The following ZNF169 variants were observed in gnomAD, a reference collection of about 807,000 sequenced individuals.
The protein encoded by ZNF169 is zinc finger protein 169.
In ZNF169, 11 loss-of-function variants were observed where a neutral mutation model predicts 12.0. The observed-to-expected ratio is 0.92, with a 90% CI of 0.58 to 1.52. The LOEUF (loss-of-function observed/expected upper bound fraction) is 1.52, where lower values mean the gene tolerates loss of function less well. Ranked by LOEUF, ZNF169 falls within the 40% of genes most tolerant of loss-of-function variation. The probability of loss-of-function intolerance (pLI) is 0.00; values close to 1 mark genes in which losing one functional copy is unlikely to be tolerated. For synonymous variants in ZNF169, 302 were observed against 286.5 expected, an observed-to-expected ratio of 1.05 and a Z score of -0.55; for missense variants, 722 against 744.0, an observed-to-expected ratio of 0.97 and a Z score of 0.34.
intron 2 of ZNF169, among the ~76,000 whole-genome samples, chr9:94,285,764 C>T (rs1436740836): frequency 3.3e-5 from 5 of 152,132 alleles, no homozygotes; most frequent in African/African-American, 9.7e-5. Flanking sequence ...AATCCCAGCA[C>T]TTTGGGAGGC....
In ZNF169 at chr9:94,300,827, A is replaced by T; in HGVS notation, c.1269A>T (p.Thr423=). 6.2e-7 allele frequency: 1 copy of T among 1,613,740 alleles called. No homozygotes were observed. The highest frequency in any genetic ancestry group is 8.5e-7 in the Non-Finnish European group (1 of 1,179,906). ...TCACTCTCATCAGGCACCAGAGGAC[A>T]CACACAGGGGAGAAGCCTTACCTGT... ...QKVTLIRHQR[T]HTGEKPYLCP... Residue 423 remains threonine, a synonymous_variant, in exon 5 of 5, where the codon ACA becomes ACT. Transcript: ENST00000395395.
chr9:94,300,771 G>A lies in ZNF169; in HGVS notation c.1213G>A (p.Ala405Thr), dbSNP rs749956878. 2.5e-6 allele frequency: 4 copies of A among 1,612,204 alleles called. No individual in the cohort carries two copies. In the African/African-American group the frequency reaches 5.4e-5, roughly 22 times the overall value. The change falls in exon 5 of 5, where the codon GCT becomes ACT. Residue 405 changes from alanine (A) to threonine (T), a missense_variant. Transcript: ENST00000395395. ...CTCAGGAGAGAAGCCTTATGTCTGT[G>A]CTGAGTGTGGGCACAGCTTTCGCCA... is the stretch of plus-strand genomic sequence containing the variant. ...THSGEKPYVC[A>T]ECGHSFRQKV...
At chr9:94,284,071 CAA>C (rs35204508) in intron 2 of ZNF169, among the ~76,000 whole-genome samples, 6,402 of 49,784 alleles carry the variant, frequency 0.13, 101 homozygotes, top group Non-Finnish European at 0.19. Flanking sequence ...GACTCTGTCT[CAA>C]AAAAAAAAAA....
intron 1 of ZNF169, among the ~76,000 whole-genome samples, chr9:94,262,334 G>T (rs754815305): frequency 9.9e-5 from 15 of 152,104 alleles, no homozygotes; most frequent in Non-Finnish European, 1.9e-4. Flanking sequence ...GGGAAAAGGG[G>T]GTTAGGCTAT....
intron 1 of ZNF169, among the ~76,000 whole-genome samples, chr9:94,265,305 C>A (rs1366071038): frequency 6.6e-6 from 1 of 152,004 alleles, no homozygotes; most frequent in Non-Finnish European, 1.5e-5. Context: ...TTTTGCCAGG[C>A]GCAGTGGCTC....
chr9:94,280,113 CTGTA>C (rs1358637588), intron 2 of ZNF169, among the ~76,000 whole-genome samples: 1 of 152,046 alleles, frequency 6.6e-6, no homozygotes, highest in African/African-American at 2.4e-5. Context: ...AATGAGAGAT[CTGTA>C]TGTAATCATA....
rs1564095381 is a variant in ZNF169 at position 94,301,084 on chromosome 9, C to G, written c.1526C>G (p.Ser509Ter). 5 of 1,614,190 alleles carry G rather than the reference C, an allele frequency of 3.1e-6. No individual in the cohort carries two copies. In the South Asian group the frequency reaches 5.5e-5, roughly 18 times the overall value. Residue 509 changes from serine to a stop codon, truncating the protein, a stop_gained, in exon 5 of 5, where the codon TCA becomes TGA. Transcript: ENST00000395395. LOFTEE classifies it low-confidence loss of function (END_TRUNC). ...SLLTRHQRTH[S>*]EEELYVDRVC... The stretch of plus-strand genomic sequence containing the variant: ...CTCACCCGACACCAGAGGACACACT[C>G]AGAGGAGGAGCTTTACGTAGACAGG...
intron 2 of ZNF169, among the ~76,000 whole-genome samples, chr9:94,283,386 C>T (rs895746017): frequency 1.3e-5 from 2 of 152,104 alleles, no homozygotes; most frequent in East Asian, 1.9e-4. Flanking sequence ...CCAGCCTGGG[C>T]GACAAAGCAA....
intron 1 of ZNF169, among the ~76,000 whole-genome samples, chr9:94,267,625 G>GA (rs1171332820): frequency 6.6e-6 from 1 of 152,168 alleles, no homozygotes; most frequent in African/African-American, 2.4e-5. Context: ...CCTTGACACT[G>GA]AAAAGCAAAA....
chr9:94,296,741 C>T, intron 4 of ZNF169: 1 of 457,004 alleles, frequency 2.2e-6, no homozygotes, highest in Admixed American at 2.4e-5. Flanking sequence ...ATGCCAATAC[C>T]ACAGTTTTGA....
At chr9:94,278,912 T>C in intron 2 of ZNF169, 67 bp downstream of exon 2, 1 of 1,559,870 alleles carries the variant, frequency 6.4e-7, no homozygotes. Flanking sequence ...TCCTGAAGGC[T>C]GCCTTCTTGG....
chr9:94,266,207 T>G (rs1385969020), intron 1 of ZNF169, among the ~76,000 whole-genome samples: 1 of 152,206 alleles, frequency 6.6e-6, no homozygotes, highest in East Asian at 1.9e-4. Context: ...GCACTGACTT[T>G]TAATATTTAA....
intron 1 of ZNF169, among the ~76,000 whole-genome samples, chr9:94,262,036 C>G (rs1276115064): frequency 1.3e-5 from 2 of 152,196 alleles, no homozygotes; most frequent in Non-Finnish European, 2.9e-5. Context: ...TTGTCCACTA[C>G]AAAGCTTTCC....
intron 1 of ZNF169, among the ~76,000 whole-genome samples, chr9:94,267,045 A>G (rs898017232): frequency 1.3e-5 from 2 of 152,044 alleles, no homozygotes; most frequent in African/African-American, 2.4e-5. Context: ...AGTAGCTGGG[A>G]CTACAGGCGA....
rs1830876839 is a variant in ZNF169, at chr9:94,292,985, T to G, written c.172T>G (p.Ser58Ala). The G allele has an allele frequency of 1.2e-6, 2 of 1,611,868 alleles. No homozygotes were observed. The highest frequency in any genetic ancestry group is 2.7e-5 in the African/African-American group (2 of 74,884). The change falls in exon 4 of 5, where the codon TCC becomes GCC. Residue 58 changes from serine (S) to alanine (A), a missense_variant. Physicochemically the swap from Ser to Ala is moderately conservative, Grantham distance 99. Coordinates refer to ENST00000395395, the MANE Select transcript of ZNF169 (RefSeq NM_194320.4). ...TTTCCTGTGAGTAGGAATTGCATTT[T>G]CCAAACCAAAACTCATCGAACAGCT... ...SHLVSLGIAF[S>A]KPKLIEQLEQ...
intron 1 of ZNF169, among the ~76,000 whole-genome samples, chr9:94,263,303 C>T (rs1349805145): frequency 6.6e-6 from 1 of 152,114 alleles, no homozygotes; most frequent in Non-Finnish European, 1.5e-5. Context: ...TTATATCTTC[C>T]TGATGAATTG....
intron 1 of ZNF169, among the ~76,000 whole-genome samples, chr9:94,278,172 T>C (rs1587677018): frequency 6.6e-6 from 1 of 152,344 alleles, no homozygotes; most frequent in Non-Finnish European, 1.5e-5. Flanking sequence ...CTTTATGAAA[T>C]TGACTCGTTA....
chr9:94,263,075 G>C (rs1830233304), intron 1 of ZNF169, among the ~76,000 whole-genome samples: 1 of 152,214 alleles, frequency 6.6e-6, no homozygotes, highest in Non-Finnish European at 1.5e-5. Flanking sequence ...CTGTTGAGCA[G>C]TGATGAGCTA....
chr9:94,284,468 C>T (rs891693912), intron 2 of ZNF169, among the ~76,000 whole-genome samples: 15 of 152,000 alleles, frequency 9.9e-5, no homozygotes, highest in Admixed American at 6.6e-5. Flanking sequence ...AACTAGCTTG[C>T]ACCAGGTAGC....
Sources: allele counts gnomAD v4.1 joint callset (sites outside exome capture counted in the v4.1 genomes callset), GRCh38; gene constraint gnomAD v4.1.1; transcripts MANE v1.5; gene names NCBI Gene and HGNC (gene_info 2026-07-23, HGNC 2026-07-21).